Variants in GRM3 observed in about 807,000 individuals in gnomAD.
GRM3 encodes glutamate metabotropic receptor 3, also known as metabotropic glutamate receptor 3.
In GRM3, 26 loss-of-function variants were observed where a neutral mutation model predicts 70.5. The observed-to-expected ratio is 0.37, with a 90% CI of 0.27 to 0.51. The LOEUF is 0.51. Among genes scored for constraint, GRM3 ranks in the 20% least tolerant of loss-of-function variants. GRM3 has a pLI of 0.93. For missense variants in GRM3, 859 were observed against 1,123.8 expected, an observed-to-expected ratio of 0.76 and a Z score of 3.37; for synonymous variants, 443 against 434.9, an observed-to-expected ratio of 1.02 and a Z score of -0.23.
At chr7:86,864,167 T>A (rs1036633038) in intron 5 of GRM3, 115 bp from the exon 6 acceptor site, 2 of 698,722 alleles carry the variant, frequency 2.9e-6, no homozygotes, top group Non-Finnish European at 5.3e-6. Context: ...CTTTTATCCC[T>A]CACCTCCTTC....
chr7:86,662,345 C>T (rs1287892589), intron 1 of GRM3, among the ~76,000 whole-genome samples: 1 of 151,734 alleles, frequency 6.6e-6, no homozygotes, highest in African/African-American at 2.4e-5. Context: ...AAATCTATAA[C>T]AGTGCCTTAA....
chr7:86,864,076 G>GGGGAAT (rs1799013305), intron 5 of GRM3, among the ~76,000 whole-genome samples: 1 of 148,784 alleles, frequency 6.7e-6, no homozygotes, highest in African/African-American at 2.6e-5. Flanking sequence ...TTGGTTACAT[G>GGGGAAT]AGTAAGTTCT....
At chr7:86,858,138 A>G (rs533619950) in intron 5 of GRM3, among the ~76,000 whole-genome samples, 11 of 151,834 alleles carry the variant, frequency 7.2e-5, no homozygotes, top group Non-Finnish European at 1.5e-4. Flanking sequence ...TTGTATTTTT[A>G]GTAGAGACGA....
chr7:86,694,140 A>C (rs114811305), intron 1 of GRM3, among the ~76,000 whole-genome samples: 2,452 of 152,282 alleles, frequency 0.016, 56 homozygotes, highest in African/African-American at 0.055. Context: ...CCTCACTTAG[A>C]TGCATACAGT....
intron 3 of GRM3, among the ~76,000 whole-genome samples, chr7:86,825,596 A>G (rs1489698694): frequency 6.6e-6 from 1 of 152,214 alleles, no homozygotes; most frequent in Non-Finnish European, 1.5e-5. Context: ...ATGCATTCAT[A>G]AAACAACAAA....
intron 3 of GRM3, among the ~76,000 whole-genome samples, chr7:86,836,992 C>G (rs1424535942): frequency 1.3e-5 from 2 of 152,114 alleles, no homozygotes; most frequent in Non-Finnish European, 2.9e-5. Context: ...AACTGGAGTA[C>G]AGACACAAAG....
intron 1 of GRM3, among the ~76,000 whole-genome samples, chr7:86,714,843 C>T (rs1209799823): frequency 6.6e-6 from 1 of 151,930 alleles, no homozygotes; most frequent in African/African-American, 2.4e-5. Context: ...TAATAAAGGG[C>T]ACTATTCTCT....
intron 1 of GRM3, among the ~76,000 whole-genome samples, chr7:86,672,446 G>A (rs1794195316): frequency 6.6e-6 from 1 of 152,080 alleles, no homozygotes. Context: ...ATATCCAAAG[G>A]TGACTTATGG....
At chr7:86,743,914 A>G (rs1167013118) in intron 1 of GRM3, among the ~76,000 whole-genome samples, 1 of 152,148 alleles carries the variant, frequency 6.6e-6, no homozygotes, top group African/African-American at 2.4e-5. Context: ...ATAAGATACT[A>G]CACTGAAAGG....
chr7:86,709,568 G>A (rs565557446), intron 1 of GRM3, among the ~76,000 whole-genome samples: 5 of 151,994 alleles, frequency 3.3e-5, no homozygotes, highest in Admixed American at 2.6e-4. Flanking sequence ...GTACCTTCGG[G>A]GGGGTGGGGG....
At position 86,786,077 on chromosome 7, in the gene GRM3, A is replaced by G. The variant is rs545196240; in HGVS notation, c.469-184A>G. 3.1e-6 allele frequency: 2 copies of G among 640,146 alleles called. No individual in the cohort carries two copies. The highest frequency in any genetic ancestry group is 2.4e-5 in the Admixed American group (1 of 41,490). The allele number at this position is 640,146 out of a possible 1,614,324, so 39.7% of individuals were successfully genotyped here. A position where few individuals can be genotyped will look rare whatever the true frequency, so the allele number is the denominator to read the frequency against. On this transcript the variant is annotated intron_variant, in intron 2 of 5. Coordinates refer to ENST00000361669, the MANE Select transcript of GRM3 (RefSeq NM_000840.3). The surrounding 1 kb of genome is among the most constrained non-coding windows in gnomAD (Gnocchi z 6.0). ...ACTACCTGTGTGAGACCTGCTTCCT[A>G]GTGTCCAAAATACAGTATCCAAGGA...
intron 4 of GRM3, among the ~76,000 whole-genome samples, chr7:86,848,201 A>G (rs1798693134): frequency 6.6e-6 from 1 of 152,198 alleles, no homozygotes; most frequent in Admixed American, 6.6e-5. Context: ...AAATTAAAAT[A>G]TATAGTCCTA....
intron 1 of GRM3, among the ~76,000 whole-genome samples, chr7:86,675,064 C>T (rs1293810264): frequency 1.3e-5 from 2 of 152,108 alleles, no homozygotes; most frequent in Non-Finnish European, 2.9e-5. Context: ...TGTAAGCTCA[C>T]TGAGGGCAAC....
At chr7:86,784,444 A>G (rs1254018803) in intron 2 of GRM3, 3 of 152,242 alleles carry the variant, frequency 2.0e-5, no homozygotes, top group African/African-American at 7.2e-5. Context: ...TGCTAGCCAG[A>G]AACCTCTTAA....
chr7:86,687,263 T>A (rs530770479), intron 1 of GRM3, among the ~76,000 whole-genome samples: 2 of 152,016 alleles, frequency 1.3e-5, no homozygotes, highest in Admixed American at 6.6e-5. Flanking sequence ...TCCAAAAAGC[T>A]GTCCAAACAC....
intron 1 of GRM3, among the ~76,000 whole-genome samples, chr7:86,674,190 T>C (rs1475823331): frequency 6.6e-6 from 1 of 152,116 alleles, no homozygotes; most frequent in Non-Finnish European, 1.5e-5. Flanking sequence ...CTGTTGGCTT[T>C]CTCTAATGTC....
At chr7:86,813,038 G>A (rs1465783058) in intron 3 of GRM3, among the ~76,000 whole-genome samples, 2 of 151,682 alleles carry the variant, frequency 1.3e-5, no homozygotes, top group Non-Finnish European at 3.0e-5. Context: ...TCTAGTCACA[G>A]TGCCCCTCAT....
chr7:86,764,972 A>ACC, intron 1 of GRM3, 34 bp from the exon 2 acceptor site: 9 of 1,407,106 alleles, frequency 6.4e-6, no homozygotes, highest in African/African-American at 1.4e-5. Flanking sequence ...TGCTTTCTTT[A>ACC]CCATTTTTGT....
chr7:86,695,389 A>AAT (rs1794792349), intron 1 of GRM3, among the ~76,000 whole-genome samples: 2 of 152,190 alleles, frequency 1.3e-5, no homozygotes, highest in African/African-American at 4.8e-5. Context: ...TTCAGTTTCG[A>AAT]ATATATATAT....
Sources: allele counts gnomAD v4.1 joint callset (sites outside exome capture counted in the v4.1 genomes callset), GRCh38; gene constraint gnomAD v4.1.1; non-coding constraint Gnocchi (gnomAD v3.1); transcripts MANE v1.5; gene names NCBI Gene and HGNC (gene_info 2026-07-23, HGNC 2026-07-21).